SEPTIN10: variants seen among roughly 807,000 people sequenced by gnomAD.
SEPTIN10 encodes septin 10.
Under a neutral mutation model 54.8 loss-of-function variants are expected in SEPTIN10, and 66 were observed. The ratio of observed to expected loss-of-function variants is 1.21; its 90% confidence interval spans 0.99 to 1.48. The LOEUF (loss-of-function observed/expected upper bound fraction) is 1.48. SEPTIN10 is among the 40% of genes most tolerant of loss of function. The pLI is 0.00. For synonymous variants in SEPTIN10, 161 were observed against 181.0 expected (o/e 0.89, Z 0.89); for missense variants, 620 against 545.6 (o/e 1.14, Z -1.36).
chr2:109,552,664 C>T (rs1683276215), intron 9 of SEPTIN10: 1 of 173,886 alleles, frequency 5.8e-6, no homozygotes, highest in Non-Finnish European at 1.2e-5. Flanking sequence ...CCCTGCTAGG[C>T]ATAAGAAAAC....
In SEPTIN10 at chr2:109,613,801, G is replaced by GT; in HGVS notation, c.26dup (p.His9GlnfsTer22). On this transcript the variant is annotated frameshift_variant, in exon 1 of 11. Transcript: ENST00000397712. LOFTEE classifies it high-confidence loss of function. ...CCCCGGCGTCGGCGGGACTCACCAG[G>GT]TGCCGCGCCACCTCGGAGGAGGCCA... is the stretch of plus-strand genomic sequence containing the variant. 8.1e-7 allele frequency: 1 copy of GT among 1,232,902 alleles called. No individual in the cohort carries two copies. Among genetic ancestry groups the GT allele is most frequent in the Non-Finnish European group, 1.0e-6 (1 of 988,774 alleles). The allele number at this position is 1,232,902 out of a possible 1,614,324, so 76.4% of individuals were successfully genotyped here.
At chr2:109,596,919 G>T (rs564400718) in intron 1 of SEPTIN10, among the ~76,000 whole-genome samples, 25 of 152,234 alleles carry the variant, frequency 1.6e-4, no homozygotes, top group Middle Eastern at 3.4e-3. Flanking sequence ...TACTGGAAAA[G>T]ATTTTCTTAA....
At chr2:109,605,620 T>C (rs1235935820) in intron 1 of SEPTIN10, 3 of 152,174 alleles carry the variant, frequency 2.0e-5, no homozygotes, top group Non-Finnish European at 4.4e-5. Flanking sequence ...AGCTAAATAA[T>C]ATCTGTATAA....
Position 109,567,795 on chromosome 2 carries a change from ACATT to A in SEPTIN10, c.762+16_762+19del. 1 of 1,545,616 alleles carries A rather than the reference ACATT, an allele frequency of 6.5e-7. No individual in the cohort carries two copies. The highest frequency in any genetic ancestry group is 8.7e-7 in the Non-Finnish European group (1 of 1,144,402). On this transcript the variant is annotated intron_variant, in intron 6 of 10. Coordinates refer to ENST00000397712, the MANE Select transcript of SEPTIN10 (RefSeq NM_144710.5). ...TATTTTCACATGGAAAACAGAATTA[ACATT>A]CAATCAGGAGCTCACATTCATTGCA... is the stretch of plus-strand genomic sequence containing the variant.
intron 5 of SEPTIN10, among the ~76,000 whole-genome samples, chr2:109,569,482 A>AT (rs1216671374): frequency 1.3e-5 from 2 of 151,588 alleles, no homozygotes; most frequent in South Asian, 2.1e-4. Context: ...CCTATTCTAA[A>AT]TTTTTTTATC....
At position 109,553,155 on chromosome 2, in the gene SEPTIN10, C is replaced by T. The variant is rs1683428611; in HGVS notation, c.1093G>A (p.Glu365Lys). ...CGCTGCACAAACATCTGTTTCATTTCTTCTTCCTTCCTCTGACGTTCACCA... is the reference window on the plus strand; with the variant it reads ...CGCTGCACAAACATCTGTTTCATTTTTTCTTCCTTCCTCTGACGTTCACCA... ...FHGERQRKEEEMKQMFVQRVK... is the reference protein window; with the variant it reads ...FHGERQRKEEKMKQMFVQRVK... The change falls in exon 9 of 11, where the codon GAA becomes AAA. Residue 365 changes from glutamate (E) to lysine (K), a missense_variant. Transcript: ENST00000397712. 1 of 1,614,112 alleles carries T rather than the reference C, an allele frequency of 6.2e-7. No homozygotes were observed.
chr2:109,555,042 T>C (rs76572135), intron 8 of SEPTIN10, among the ~76,000 whole-genome samples: 2 of 152,306 alleles, frequency 1.3e-5, no homozygotes, highest in East Asian at 3.9e-4. Context: ...TCTTTGTGAT[T>C]TTCTGCCTTC....
intron 7 of SEPTIN10, 21 bp downstream of exon 7, chr2:109,565,742 G>A: frequency 6.3e-7 from 1 of 1,584,010 alleles, no homozygotes. Flanking sequence ...CATATTTCTA[G>A]TCATCCTTTG....
At chr2:109,596,611 T>A (rs1695373630) in intron 1 of SEPTIN10, among the ~76,000 whole-genome samples, 1 of 149,528 alleles carries the variant, frequency 6.7e-6, no homozygotes, top group African/African-American at 2.5e-5. Context: ...CGAGACTCCA[T>A]CTCAAAAAAA....
At position 109,567,942 on chromosome 2, in the gene SEPTIN10, G is replaced by A. The variant is rs756418889; in HGVS notation, c.635C>T (p.Thr212Met). 4.7e-5 allele frequency: 76 copies of A among 1,612,754 alleles called. No homozygotes were observed. Among genetic ancestry groups the A allele is most frequent in the Admixed American group, 1.0e-4 (6 of 59,706 alleles). Residue 212 changes from threonine (T) to methionine (M), a missense_variant, in exon 6 of 11, where the codon ACG becomes ATG. Transcript: ENST00000397712. ...CTTCTGTAATTCAGTTTTAGAAACC[G>A]TATCTGCTTTGGCAATCACTGGTAT... ...NIIPVIAKAD[T>M]VSKTELQKFK...
chr2:109,549,542 AG>A (rs1553417431), intron 9 of SEPTIN10, among the ~76,000 whole-genome samples: 1 of 152,228 alleles, frequency 6.6e-6, no homozygotes, highest in Non-Finnish European at 1.5e-5. Flanking sequence ...TACGACAGGC[AG>A]TTAATTCAAA....
chr2:109,609,125 G>A (rs1232159318), intron 1 of SEPTIN10, among the ~76,000 whole-genome samples: 1 of 152,218 alleles, frequency 6.6e-6, no homozygotes, highest in East Asian at 1.9e-4. Context: ...TATCTGAAAA[G>A]TATGACACTA....
Position 109,593,099 on chromosome 2 carries a change from T to C in SEPTIN10, c.51A>G (p.Ala17=). 6.2e-7 allele frequency: 1 copy of C among 1,600,438 alleles called. No individual in the cohort carries two copies. Among genetic ancestry groups the C allele is most frequent in the Non-Finnish European group, 8.5e-7 (1 of 1,174,124 alleles). ...GTGAAGACATACAAGTTGTTTTCGT[T>C]GCCATGTGAGACTGAAAGAGCTAAA... ...ARHLLFQSHM[A]TKTTCMSSQG... is the part of the protein sequence containing the mutation. The change falls in exon 2 of 11, where the codon GCA becomes GCG. Residue 17 remains alanine (A), a synonymous_variant. Coordinates refer to ENST00000397712, the MANE Select transcript of SEPTIN10 (RefSeq NM_144710.5).
chr2:109,592,086 C>T (rs926657785), intron 2 of SEPTIN10, among the ~76,000 whole-genome samples: 1 of 152,164 alleles, frequency 6.6e-6, no homozygotes, highest in South Asian at 2.1e-4. Context: ...ATCAGGGAGG[C>T]AGCTGGCAGG....
chr2:109,573,798 A>T (rs1249408650), intron 5 of SEPTIN10, among the ~76,000 whole-genome samples: 2 of 152,204 alleles, frequency 1.3e-5, no homozygotes, highest in East Asian at 3.8e-4. Flanking sequence ...TTAGTTTATG[A>T]ATTTTTCTAT....
intron 1 of SEPTIN10, among the ~76,000 whole-genome samples, chr2:109,602,877 G>C (rs900973625): frequency 7.6e-6 from 1 of 131,276 alleles, no homozygotes; most frequent in South Asian, 2.4e-4. Context: ...CTTAAAGCCT[G>C]AACAACATAG....
At chr2:109,588,121 A>G (rs1256182415) in intron 2 of SEPTIN10, among the ~76,000 whole-genome samples, 5 of 152,026 alleles carry the variant, frequency 3.3e-5, no homozygotes, top group African/African-American at 1.2e-4. Flanking sequence ...AAAAAAAAAG[A>G]CATCGTAGAA....
chr2:109,593,167 C>A (rs755383623), intron 1 of SEPTIN10, 48 bp from the exon 2 acceptor site: 2 of 1,261,800 alleles, frequency 1.6e-6, no homozygotes, highest in South Asian at 1.5e-5. Context: ...ACATTACTCC[C>A]CAAACCCCAT....
intron 1 of SEPTIN10, among the ~76,000 whole-genome samples, chr2:109,599,552 T>A (rs61548546): frequency 0.28 from 42,714 of 151,874 alleles, 6,310 homozygotes; most frequent in Admixed American, 0.4. Flanking sequence ...ATGGCCTGTT[T>A]GCATATCCTC....
Sources: allele counts gnomAD v4.1 joint callset (sites outside exome capture counted in the v4.1 genomes callset), GRCh38; gene constraint gnomAD v4.1.1; transcripts MANE v1.5; gene names NCBI Gene and HGNC (gene_info 2026-07-23, HGNC 2026-07-21).